The following ADIPOR1 variants were observed in gnomAD, a reference collection of about 807,000 sequenced individuals.
ADIPOR1 encodes the protein adiponectin receptor protein 1.
In ADIPOR1, 15 loss-of-function variants were observed where a neutral mutation model predicts 37.5. The ratio of observed to expected loss-of-function variants is 0.40; its 90% CI spans 0.27 to 0.62. ADIPOR1 has a LOEUF of 0.62. Among genes scored for constraint, ADIPOR1 ranks in the 20% least tolerant of loss-of-function variants. ADIPOR1 has a pLI of 0.42. For missense variants in ADIPOR1, 286 were observed against 478.0 expected (o/e 0.60, Z 3.75); for synonymous variants, 173 against 173.2 (o/e 1.00, Z 0.01).
At chr1:202,950,596 T>C (rs954846921) in intron 2 of ADIPOR1, among the ~76,000 whole-genome samples, 9 of 152,142 alleles carry the variant, frequency 5.9e-5, no homozygotes, top group African/African-American at 1.7e-4. Context: ...ACTTCTGTCC[T>C]GTCAAAACTG....
chr1:202,941,506 C>T lies in ADIPOR1; in HGVS notation c.*67G>A. ...CAGACAACTCAGACTCTTCCTCTCA[C>T]TTCAGCAAAGAAGTTATTTTTAAAA... On this transcript the variant is annotated 3_prime_UTR_variant, in exon 8 of 8. Transcript: ENST00000340990. The T allele has an allele frequency of 6.5e-7, 1 of 1,548,388 alleles. No individual in the cohort carries two copies. The highest frequency in any genetic ancestry group is 1.3e-5 in the South Asian group (1 of 79,916).
intron 5 of ADIPOR1, 128 bp downstream of exon 5, chr1:202,944,855 A>T (rs1310565541): frequency 1.2e-5 from 11 of 893,266 alleles, no homozygotes; most frequent in Non-Finnish European, 1.7e-5. Flanking sequence ...CACAGAACAG[A>T]GAGCCTTTCC....
At chr1:202,948,648 A>G (rs1456621896) in intron 2 of ADIPOR1, among the ~76,000 whole-genome samples, 1 of 152,196 alleles carries the variant, frequency 6.6e-6, no homozygotes, top group Non-Finnish European at 1.5e-5. Context: ...TGCAGTGCGT[A>G]AAAGAAGGAC....
At position 202,946,504 on chromosome 1, in the gene ADIPOR1, C is replaced by T. The variant is rs1225897841; in HGVS notation, c.365G>A (p.Arg122Gln). ...GCGGAAGATGCTCTTGAAGCAAGCC[C>T]GAAAGGAGGGCATGGGAGGTCTATG... Reference protein sequence around the residue: ...HGHRPPMPSFRACFKSIFRIH... With the variant: ...HGHRPPMPSFQACFKSIFRIH... The change falls in exon 4 of 8, where the codon CGG (arginine) becomes CAG (glutamine). Residue 122 changes from arginine to glutamine, a missense_variant. Arg to Gln is a conservative substitution (Grantham distance 43, BLOSUM62 1). Coordinates refer to ENST00000340990, the MANE Select transcript of ADIPOR1 (RefSeq NM_015999.6). 3 of 1,614,016 alleles carry T rather than the reference C, an allele frequency of 1.9e-6. No individual in the cohort carries two copies. Among genetic ancestry groups the T allele is most frequent in the Non-Finnish European group, 8.5e-7 (1 of 1,180,030 alleles).
At chr1:202,948,264 C>A (rs756869430) in intron 3 of ADIPOR1, 40 bp downstream of exon 3, 13 of 1,507,618 alleles carry the variant, frequency 8.6e-6, no homozygotes, top group Non-Finnish European at 1.1e-5. Flanking sequence ...GACAGGCCTG[C>A]TGCCCTTCCC....
In ADIPOR1 at chr1:202,944,967, T is replaced by C. The variant is rs756102632; in HGVS notation, c.617+16A>G. 2.5e-6 allele frequency: 4 copies of C among 1,604,158 alleles called. No individual in the cohort carries two copies. The highest frequency in any genetic ancestry group is 3.4e-6 in the Non-Finnish European group (4 of 1,175,248). ...AACAGTGCACAGTATTTTCCTATGGTGTTCTTTTAACTCACTTGGAAAAAG... is the reference window on the plus strand; with the variant it reads ...AACAGTGCACAGTATTTTCCTATGGCGTTCTTTTAACTCACTTGGAAAAAG... On this transcript the variant is annotated intron_variant, in intron 5 of 7. Transcript: ENST00000340990.
intron 1 of ADIPOR1, among the ~76,000 whole-genome samples, chr1:202,953,867 C>G (rs1654676950): frequency 6.6e-6 from 1 of 152,134 alleles, no homozygotes; most frequent in African/African-American, 2.4e-5. Context: ...AATTTAGTAA[C>G]TTTGAGTGCT....
At chr1:202,946,372 G>A in intron 4 of ADIPOR1, 67 bp downstream of exon 4, 3 of 1,582,236 alleles carry the variant, frequency 1.9e-6, no homozygotes, top group Non-Finnish European at 2.6e-6. Context: ...CAACTTTGTT[G>A]GGCTCTATAA....
chr1:202,956,660 G>C (rs1028588331), intron 1 of ADIPOR1, among the ~76,000 whole-genome samples: 2 of 152,176 alleles, frequency 1.3e-5, no homozygotes, highest in Non-Finnish European at 2.9e-5. Flanking sequence ...GATAGAGATG[G>C]AAACAGGGCA....
At chr1:202,942,001 C>T (rs1654109149) in intron 7 of ADIPOR1, 24 bp downstream of exon 7, 1 of 1,596,146 alleles carries the variant, frequency 6.3e-7, no homozygotes. Flanking sequence ...CATCACAGGA[C>T]CTGCTGGAAG....
At chr1:202,944,639 C>A (rs765547418) in intron 5 of ADIPOR1, 6 of 165,798 alleles carry the variant, frequency 3.6e-5, no homozygotes, top group Non-Finnish European at 5.2e-5. Flanking sequence ...ATTTACCACA[C>A]CCTACTTTGG....
chr1:202,941,095 C>T lies in ADIPOR1; in HGVS notation c.*478G>A, dbSNP rs1484006710. On this transcript the variant is annotated 3_prime_UTR_variant, in exon 8 of 8. Coordinates refer to ENST00000340990, the MANE Select transcript of ADIPOR1 (RefSeq NM_015999.6). ...TTCCTGCTCTATAAGCAGATCCAGG[C>T]CCTAGAAAGATGGGACCAGGGTATA... is the stretch of plus-strand genomic sequence containing the variant. The T allele has an allele frequency of 6.6e-6, 1 of 152,602 alleles. No homozygotes were observed. The highest frequency in any genetic ancestry group is 1.5e-5 in the Non-Finnish European group (1 of 68,118). 9.5% of individuals were successfully genotyped at this position (152,602 alleles called of 1,614,324 possible). A position where few individuals can be genotyped will look rare whatever the true frequency, so the allele number is the denominator to read the frequency against.
intron 1 of ADIPOR1, among the ~76,000 whole-genome samples, chr1:202,953,068 G>A (rs1654640911): frequency 1.3e-5 from 2 of 152,296 alleles, no homozygotes; most frequent in South Asian, 4.1e-4. Context: ...GTGAACAATT[G>A]AGCTAAGGAG....
chr1:202,955,541 C>CA (rs564160233), intron 1 of ADIPOR1, among the ~76,000 whole-genome samples: 68 of 143,146 alleles, frequency 4.8e-4, no homozygotes, highest in African/African-American at 1.1e-3. Context: ...AATGTCATGA[C>CA]AAAAAAAAAA....
chr1:202,955,867 C>T (rs1421420101), intron 1 of ADIPOR1, among the ~76,000 whole-genome samples: 1 of 152,224 alleles, frequency 6.6e-6, no homozygotes, highest in African/African-American at 2.4e-5. Context: ...CCTCCGCCTT[C>T]CAGGTTCAAG....
chr1:202,955,339 A>G (rs573298367), intron 1 of ADIPOR1, among the ~76,000 whole-genome samples: 1 of 151,646 alleles, frequency 6.6e-6, no homozygotes, highest in African/African-American at 2.4e-5. Flanking sequence ...CTCCCACCTT[A>G]GCTTCCCAAG....
intron 1 of ADIPOR1, among the ~76,000 whole-genome samples, chr1:202,954,034 C>T (rs1240280338): frequency 6.6e-6 from 1 of 152,204 alleles, no homozygotes; most frequent in Non-Finnish European, 1.5e-5. Flanking sequence ...TTCTGGCTAT[C>T]ATCAAAGTCT....
chr1:202,953,580 TGTG>T (rs138997874), intron 1 of ADIPOR1, among the ~76,000 whole-genome samples: 4,457 of 152,308 alleles, frequency 0.029, 211 homozygotes, highest in African/African-American at 0.1. Context: ...TTCTTGTGCT[TGTG>T]GTGGCTTCTC....
chr1:202,950,098 G>A (rs540726560), intron 2 of ADIPOR1, among the ~76,000 whole-genome samples: 3 of 152,030 alleles, frequency 2.0e-5, no homozygotes, highest in Admixed American at 2.0e-4. Flanking sequence ...GAGTAGCTGG[G>A]ATTACAGGCG....
Sources: gnomAD v4.1 joint callset for allele counts (sites outside exome capture counted in the v4.1 genomes callset) on GRCh38, gnomAD v4.1.1 for gene constraint, MANE v1.5 for transcripts, NCBI Gene and HGNC (gene_info 2026-07-23, HGNC 2026-07-21) for gene names.